GSDME: variants seen among roughly 807,000 people sequenced by gnomAD.
GSDME encodes the protein gasdermin E.
A neutral mutation model predicts 47.5 loss-of-function variants in GSDME; 44 were observed. The observed-to-expected ratio is 0.93, with a 90% CI of 0.73 to 1.19. GSDME has a LOEUF of 1.19. Ranked by LOEUF, GSDME falls within the 50% of genes most tolerant of loss-of-function variation. The pLI, the probability that GSDME is intolerant of heterozygous loss-of-function variation, is 0.00. For synonymous variants in GSDME, 258 were observed against 252.8 expected (o/e 1.02, Z -0.20); for missense variants, 663 against 604.2 (o/e 1.10, Z -1.02).
At chr7:24,709,412 G>A (rs1244989077) in intron 6 of GSDME, among the ~76,000 whole-genome samples, 3 of 151,320 alleles carry the variant, frequency 2.0e-5, no homozygotes, top group Non-Finnish European at 4.4e-5. Context: ...AGATAGGAAA[G>A]CCTTATATTA....
At chr7:24,746,681 A>G (rs1226976106) in intron 2 of GSDME, among the ~76,000 whole-genome samples, 2 of 152,130 alleles carry the variant, frequency 1.3e-5, no homozygotes, top group Non-Finnish European at 2.9e-5. Context: ...AACAGTCAAG[A>G]TTTGTCTGTG....
chr7:24,784,758 C>T, the GSDME span, among the ~76,000 whole-genome samples: 2 of 151,808 alleles, frequency 1.3e-5, no homozygotes, highest in Non-Finnish European at 2.9e-5. Flanking sequence ...TGGCATTTCA[C>T]CATGCTGGCC....
chr7:24,722,849 A>G (rs1221370520), intron 3 of GSDME, among the ~76,000 whole-genome samples: 3 of 152,354 alleles, frequency 2.0e-5, no homozygotes, highest in African/African-American at 7.2e-5. Context: ...ATCCGATGAC[A>G]GGGCAGTCCT....
chr7:24,711,322 G>A (rs1349934197), intron 5 of GSDME, among the ~76,000 whole-genome samples: 1 of 152,048 alleles, frequency 6.6e-6, no homozygotes, highest in Non-Finnish European at 1.5e-5. Context: ...TCCGTTTGCT[G>A]GAAGCGATTC....
At chr7:24,707,763 C>G in intron 7 of GSDME, 1 of 464,764 alleles carries the variant, frequency 2.2e-6, no homozygotes, top group South Asian at 3.2e-5. Flanking sequence ...GCCAGGAACA[C>G]TAGGAGCCAT....
chr7:24,737,654 C>T (rs1362408238), intron 3 of GSDME, among the ~76,000 whole-genome samples: 1 of 151,278 alleles, frequency 6.6e-6, no homozygotes, highest in Non-Finnish European at 1.5e-5. Context: ...TTTTACAAGG[C>T]CAGTATTACC....
At chr7:24,710,466 A>G in intron 5 of GSDME, 78 bp from the exon 6 acceptor site, 1 of 1,402,214 alleles carries the variant, frequency 7.1e-7, no homozygotes, top group Admixed American at 1.7e-5. Context: ...GGGTCAGCCC[A>G]GCCTTGATGG....
At chr7:24,707,811 C>T (rs1280274121) in intron 7 of GSDME, 1 of 534,734 alleles carries the variant, frequency 1.9e-6, no homozygotes, top group Non-Finnish European at 3.3e-6. Flanking sequence ...GAATTCTCTC[C>T]TAGATCCTCT....
In GSDME at chr7:24,744,124, T is replaced by C; in HGVS notation, c.404+438A>G. The C allele has an allele frequency of 4.4e-6, 1 of 227,180 alleles. No individual in the cohort carries two copies. The highest frequency in any genetic ancestry group is 5.2e-5 in the Admixed American group (1 of 19,122). 14.1% of individuals were successfully genotyped at this position (227,180 alleles called of 1,614,324 possible). A position where few individuals can be genotyped will look rare whatever the true frequency, so the allele number is the denominator to read the frequency against. ...ATAAATGTGGGGTTTTCTTCAAGAC[T>C]TCAAAGACTGAAAAGAGCTCTTATT... On this transcript the variant is annotated intron_variant, in intron 3 of 9. Transcript: ENST00000645220. This position sits in a 1 kb window ranked among gnomAD's most constrained non-coding sequence, Gnocchi z 4.5.
At chr7:24,722,984 G>A (rs1043123242) in intron 3 of GSDME, among the ~76,000 whole-genome samples, 1 of 152,158 alleles carries the variant, frequency 6.6e-6, no homozygotes, top group Non-Finnish European at 1.5e-5. Context: ...GACCAGAAAC[G>A]TGTCACACAG....
intron 2 of GSDME, among the ~76,000 whole-genome samples, chr7:24,748,168 A>ATTTTTT (rs1366320411): frequency 3.4e-5 from 4 of 117,496 alleles, no homozygotes; most frequent in African/African-American, 1.1e-4. Context: ...ATATATATAT[A>ATTTTTT]TTTTTTTTTG....
the GSDME span, among the ~76,000 whole-genome samples, chr7:24,785,006 T>C: frequency 3.3e-5 from 5 of 152,234 alleles, no homozygotes; most frequent in Non-Finnish European, 7.3e-5. Flanking sequence ...CTTTGCACCC[T>C]TCCATCCAAT....
rs2521766 is a variant in GSDME at position 24,733,067 on chromosome 7, T to G, written c.404+11495A>C. Among the ~76,000 whole-genome samples the G allele has an allele frequency of 0.081, 12,256 of 151,918 alleles. 579 individuals carry two copies. The highest frequency in any genetic ancestry group is 0.13 in the African/African-American group (5,467 of 41,368). ...GAAGAGGAAAAAGGACTTTGTACTG[T>G]AACCAGAATACCAGCTCAGCCACAG... On this transcript the variant is annotated intron_variant, in intron 3 of 9. Coordinates refer to ENST00000645220, the MANE Select transcript of GSDME (RefSeq NM_001127453.2). This position sits in a 1 kb window ranked among gnomAD's most constrained non-coding sequence, Gnocchi z 4.3.
chr7:24,708,666 C>CAAATTCCAA (rs1789223267), intron 6 of GSDME, among the ~76,000 whole-genome samples: 1 of 152,224 alleles, frequency 6.6e-6, no homozygotes, highest in Admixed American at 6.5e-5. Context: ...TTCCAAAATA[C>CAAATTCCAA]ATTATTTTTC....
At chr7:24,720,907 C>CAA (rs36086754) in intron 3 of GSDME, among the ~76,000 whole-genome samples, 23 of 124,196 alleles carry the variant, frequency 1.9e-4, no homozygotes, top group Non-Finnish European at 2.9e-4. Context: ...AACTCCGTCT[C>CAA]AAAAAAAAAA....
At chr7:24,789,197 GT>G in the GSDME span, among the ~76,000 whole-genome samples, 1 of 152,150 alleles carries the variant, frequency 6.6e-6, no homozygotes, top group Non-Finnish European at 1.5e-5. Context: ...TGGGAAATGA[GT>G]TAATTATTCA....
chr7:24,731,498 G>A (rs575449708), intron 3 of GSDME, among the ~76,000 whole-genome samples: 18 of 152,352 alleles, frequency 1.2e-4, no homozygotes, highest in African/African-American at 3.6e-4. Context: ...CATGCTGCAC[G>A]TGGAAACGCC....
At position 24,719,174 on chromosome 7, in the gene GSDME, C is replaced by T. The variant is rs1431892556; in HGVS notation, c.449G>A (p.Gly150Glu). 5 of 1,613,618 alleles carry T rather than the reference C, an allele frequency of 3.1e-6. No individual in the cohort carries two copies. The highest frequency in any genetic ancestry group is 4.2e-6 in the Non-Finnish European group (5 of 1,180,028). The change falls in exon 4 of 10, where the codon GGA becomes GAA. Residue 150 changes from glycine (G) to glutamate (E), a missense_variant. By Grantham distance (98) the Gly-to-Glu change is moderately conservative (BLOSUM62 -2). Transcript: ENST00000645220. Reference sequence around the variant, plus strand: ...CAAAACGCACAGGACCTCATTCCTTCCTTCCAGCACCTGCTGGAGCACAGG... The same window carrying T: ...CAAAACGCACAGGACCTCATTCCTTTCTTCCAGCACCTGCTGGAGCACAGG... Reference protein sequence around the residue: ...RNPVLQQVLEGRNEVLCVLTQ... With the variant: ...RNPVLQQVLEERNEVLCVLTQ...
intron 3 of GSDME, among the ~76,000 whole-genome samples, chr7:24,738,271 C>A (rs1790372915): frequency 1.3e-5 from 2 of 152,076 alleles, no homozygotes; most frequent in African/African-American, 4.8e-5. Flanking sequence ...AACAAATTCA[C>A]TAAAGTTGTA....
Sources: gnomAD v4.1 joint callset for allele counts (sites outside exome capture counted in the v4.1 genomes callset) on GRCh38, gnomAD v4.1.1 for gene constraint, Gnocchi (gnomAD v3.1) non-coding constraint, MANE v1.5 for transcripts, NCBI Gene and HGNC (gene_info 2026-07-23, HGNC 2026-07-21) for gene names.